Variants in GPHN observed in about 807,000 individuals in gnomAD.
The protein encoded by GPHN is gephyrin.
A neutral mutation model predicts 95.5 loss-of-function variants in GPHN; 17 were observed. The ratio of observed to expected loss-of-function variants is 0.18; its 90% CI spans 0.12 to 0.27. GPHN has a LOEUF of 0.27. Ranked by LOEUF, GPHN falls within the 10% of genes least tolerant of loss-of-function variation. GPHN has a pLI of 1.00. For missense variants in GPHN, 660 were observed against 978.1 expected, an observed-to-expected ratio of 0.67 and a Z score of 4.34; for synonymous variants, 320 against 322.5, an observed-to-expected ratio of 0.99 and a Z score of 0.08.
intron 18 of GPHN, among the ~76,000 whole-genome samples, chr14:67,151,964 T>C (rs1038630772): frequency 1.3e-5 from 2 of 152,032 alleles, no homozygotes; most frequent in Non-Finnish European, 2.9e-5. Context: ...TTTAAGCCAC[T>C]CATAAAGTGT....
At chr14:66,694,177 A>G (rs536288439) in intron 2 of GPHN, among the ~76,000 whole-genome samples, 285 of 152,262 alleles carry the variant, frequency 1.9e-3, no homozygotes, top group Middle Eastern at 3.4e-3. Context: ...CAGAGACCTC[A>G]TGAATTGGAT....
intron 1 of GPHN, among the ~76,000 whole-genome samples, chr14:66,531,775 A>G (rs2058949707): frequency 6.6e-6 from 1 of 152,230 alleles, no homozygotes; most frequent in African/African-American, 2.4e-5. Context: ...AAGTATGATT[A>G]GTTGATTGTA....
chr14:66,555,492 G>GC (rs202245141), intron 1 of GPHN, among the ~76,000 whole-genome samples: 4,376 of 151,934 alleles, frequency 0.029, 83 homozygotes, highest in Middle Eastern at 0.068. Flanking sequence ...TCCTATGATT[G>GC]CCCCCCCGCA....
chr14:66,746,228 A>G (rs1202637822), intron 2 of GPHN, among the ~76,000 whole-genome samples: 2 of 152,192 alleles, frequency 1.3e-5, no homozygotes, highest in Non-Finnish European at 2.9e-5. Flanking sequence ...TGATAAATGT[A>G]TACTTAACAT....
At chr14:66,571,657 A>G (rs1043468542) in intron 1 of GPHN, among the ~76,000 whole-genome samples, 2 of 152,104 alleles carry the variant, frequency 1.3e-5, no homozygotes, top group Non-Finnish European at 2.9e-5. Context: ...CTAAAAATAT[A>G]AAAATTAGCC....
the GPHN span, among the ~76,000 whole-genome samples, chr14:67,632,889 C>G: frequency 7.5e-6 from 1 of 133,236 alleles, no homozygotes; most frequent in Non-Finnish European, 1.5e-5. Flanking sequence ...GGCGTGATCT[C>G]GGCTCACTGC....
At chr14:67,315,399 G>A in the GPHN span, among the ~76,000 whole-genome samples, 557 of 147,986 alleles carry the variant, frequency 3.8e-3, 18 homozygotes, top group East Asian at 0.09. Flanking sequence ...CTCTCAGTCT[G>A]CTGAGCAGCT....
At chr14:66,914,098 G>C (rs908446809) in intron 5 of GPHN, among the ~76,000 whole-genome samples, 27 of 152,188 alleles carry the variant, frequency 1.8e-4, no homozygotes, top group African/African-American at 6.5e-4. Context: ...TCTCCTGGCT[G>C]TATAGAAACC....
chr14:67,727,146 T>C, the GPHN span: 6 of 1,614,008 alleles, frequency 3.7e-6, no homozygotes, highest in Non-Finnish European at 5.1e-6. Flanking sequence ...CACAGCAAGC[T>C]GGCCAATGTG....
chr14:67,598,964 C>T, the GPHN span, among the ~76,000 whole-genome samples: 1 of 152,170 alleles, frequency 6.6e-6, no homozygotes, highest in African/African-American at 2.4e-5. Context: ...CCCGCCTCAG[C>T]TTCCCAAAGT....
chr14:67,238,269 C>CT, the GPHN span, among the ~76,000 whole-genome samples: 6,941 of 125,196 alleles, frequency 0.055, 231 homozygotes, highest in African/African-American at 0.083. Context: ...TTCTTGCTTT[C>CT]TTTTTTTTTT....
chr14:67,497,528 A>C, the GPHN span, among the ~76,000 whole-genome samples: 1 of 152,094 alleles, frequency 6.6e-6, no homozygotes, highest in Non-Finnish European at 1.5e-5. Flanking sequence ...CCAACAAAAG[A>C]ACTCTCCCAC....
chr14:67,572,395 G>A, the GPHN span: 1 of 379,628 alleles, frequency 2.6e-6, no homozygotes. Flanking sequence ...AGAGCTGGGG[G>A]ATGGGGGCAG....
chr14:67,465,586 C>A, the GPHN span, among the ~76,000 whole-genome samples: 1 of 152,156 alleles, frequency 6.6e-6, no homozygotes, highest in Non-Finnish European at 1.5e-5. Flanking sequence ...TCCCAGATGA[C>A]CACACACTGT....
intron 1 of GPHN, among the ~76,000 whole-genome samples, chr14:66,511,654 G>A (rs1404939793): frequency 6.6e-6 from 1 of 151,842 alleles, no homozygotes; most frequent in Non-Finnish European, 1.5e-5. Flanking sequence ...TTGTAAATTT[G>A]GCAAATTTAG....
At chr14:66,548,043 T>G (rs1469557723) in intron 1 of GPHN, among the ~76,000 whole-genome samples, 3 of 146,404 alleles carry the variant, frequency 2.0e-5, no homozygotes, top group Non-Finnish European at 4.6e-5. Context: ...GTTGGTATCA[T>G]TTTTTTTTTA....
chr14:67,276,734 G>A, the GPHN span, among the ~76,000 whole-genome samples: 1 of 152,186 alleles, frequency 6.6e-6, no homozygotes, highest in East Asian at 1.9e-4. Flanking sequence ...TTACTACCAG[G>A]TTATAGAAAT....
At chr14:67,633,022 A>G in the GPHN span, among the ~76,000 whole-genome samples, 15 of 151,550 alleles carry the variant, frequency 9.9e-5, no homozygotes, top group East Asian at 1.9e-4. Context: ...GTGTTTCACC[A>G]TGTTAGCCAG....
chr14:67,678,475 C>T, the GPHN span: 4 of 1,226,098 alleles, frequency 3.3e-6, no homozygotes, highest in Non-Finnish European at 4.8e-6. Context: ...TGAAGTCTGC[C>T]ATCTGCCAGG....
Sources: gnomAD v4.1 joint callset for allele counts (sites outside exome capture counted in the v4.1 genomes callset) on GRCh38, gnomAD v4.1.1 for gene constraint, MANE v1.5 for transcripts, NCBI Gene and HGNC (gene_info 2026-07-23, HGNC 2026-07-21) for gene names.